The following CSMD1 variants were observed in gnomAD, a reference collection of about 807,000 sequenced individuals.
CSMD1 encodes the protein CUB and Sushi multiple domains 1.
Under a neutral mutation model 417.5 loss-of-function variants are expected in CSMD1, and 213 were observed. That is an observed-to-expected ratio of 0.51 (90% CI 0.46 to 0.57). The LOEUF is 0.57. Among genes scored for constraint, CSMD1 ranks in the 20% least tolerant of loss-of-function variants. The pLI is 0.00. For missense variants in CSMD1, 6,923 were observed against 4,529.7 expected (o/e 1.53, Z -15.17); for synonymous variants, 2,862 against 1,736.8 (o/e 1.65, Z -16.11).
intron 26 of CSMD1, among the ~76,000 whole-genome samples, chr8:3,267,069 G>A (rs865989603): frequency 6.6e-6 from 1 of 152,090 alleles, no homozygotes; most frequent in Admixed American, 6.5e-5. Context: ...CATACAAGAA[G>A]CAAGAAGCCA....
chr8:3,762,691 A>C (rs1804398262), intron 5 of CSMD1, among the ~76,000 whole-genome samples: 1 of 152,156 alleles, frequency 6.6e-6, no homozygotes, highest in African/African-American at 2.4e-5. Context: ...AGAAAGAGAG[A>C]GAGCCAAAGC....
At chr8:3,951,635 G>A (rs1251820824) in intron 5 of CSMD1, among the ~76,000 whole-genome samples, 1 of 151,908 alleles carries the variant, frequency 6.6e-6, no homozygotes, top group Non-Finnish European at 1.5e-5. Flanking sequence ...CAAAAATATT[G>A]GAAGAAAGGT....
At chr8:3,647,564 A>C (rs921088558) in intron 7 of CSMD1, among the ~76,000 whole-genome samples, 15 of 152,206 alleles carry the variant, frequency 9.9e-5, no homozygotes, top group African/African-American at 3.4e-4. Flanking sequence ...GCATAAAGAG[A>C]AATACGGCAT....
chr8:3,843,317 C>T (rs1366811973), intron 5 of CSMD1, among the ~76,000 whole-genome samples: 2 of 152,096 alleles, frequency 1.3e-5, no homozygotes, highest in Non-Finnish European at 2.9e-5. Flanking sequence ...ATCTTTACCT[C>T]ATTGAACGAA....
chr8:3,650,322 A>G (rs1797789461), intron 7 of CSMD1, among the ~76,000 whole-genome samples: 1 of 152,114 alleles, frequency 6.6e-6, no homozygotes, highest in Non-Finnish European at 1.5e-5. Context: ...TGAATGATTG[A>G]GTTTCAAGTT....
At chr8:4,479,629 C>G (rs1302443244) in intron 2 of CSMD1, among the ~76,000 whole-genome samples, 2 of 152,144 alleles carry the variant, frequency 1.3e-5, no homozygotes, top group Non-Finnish European at 2.9e-5. Context: ...GGTGCAGTGG[C>G]TCACGCCTGT....
chr8:3,813,623 T>A (rs562277645), intron 5 of CSMD1, among the ~76,000 whole-genome samples: 2 of 152,316 alleles, frequency 1.3e-5, no homozygotes, highest in South Asian at 2.1e-4. Flanking sequence ...ACTGCCTTTA[T>A]GCAATAATGA....
chr8:4,414,254 A>C (rs1796805515), intron 3 of CSMD1, among the ~76,000 whole-genome samples: 1 of 152,188 alleles, frequency 6.6e-6, no homozygotes, highest in South Asian at 2.1e-4. Context: ...GGGAAATGCC[A>C]CACATATTCA....
intron 28 of CSMD1, among the ~76,000 whole-genome samples, chr8:3,222,105 AT>A (rs1468034919): frequency 6.6e-6 from 1 of 152,026 alleles, no homozygotes; most frequent in African/African-American, 2.4e-5. Context: ...GTTTTCACTG[AT>A]TTCTGAAGTT....
chr8:4,461,220 T>C (rs1026231039), intron 2 of CSMD1, among the ~76,000 whole-genome samples: 1 of 151,944 alleles, frequency 6.6e-6, no homozygotes, highest in African/African-American at 2.4e-5. Flanking sequence ...TAACTAGCAA[T>C]GGGGAATTTC....
chr8:4,650,035 G>A (rs1217971477), intron 1 of CSMD1, among the ~76,000 whole-genome samples: 2 of 152,166 alleles, frequency 1.3e-5, no homozygotes, highest in African/African-American at 4.8e-5. Flanking sequence ...TGTCTGGGAT[G>A]AGACAGCTTT....
chr8:3,947,580 T>C (rs192709060), intron 5 of CSMD1, among the ~76,000 whole-genome samples: 109 of 152,282 alleles, frequency 7.2e-4, no homozygotes, highest in Non-Finnish European at 1.2e-3. Flanking sequence ...AAATAAACCA[T>C]GGGTTATATA....
chr8:4,627,787 G>A (rs1407700116), intron 2 of CSMD1, among the ~76,000 whole-genome samples: 2 of 152,076 alleles, frequency 1.3e-5, no homozygotes, highest in African/African-American at 4.8e-5. Context: ...GAAAAATAAT[G>A]TAGGCAGACA....
chr8:2,992,682 C>T (rs1212056171), intron 54 of CSMD1, among the ~76,000 whole-genome samples: 2 of 152,092 alleles, frequency 1.3e-5, no homozygotes, highest in Non-Finnish European at 2.9e-5. Flanking sequence ...GCCTCAGCCT[C>T]CCAAAGTGCT....
chr8:3,170,430 G>C (rs1181363447), intron 37 of CSMD1, among the ~76,000 whole-genome samples: 1 of 152,020 alleles, frequency 6.6e-6, no homozygotes, highest in Non-Finnish European at 1.5e-5. Context: ...GGATGGTCTC[G>C]ATCTCCTGAC....
intron 3 of CSMD1, among the ~76,000 whole-genome samples, chr8:4,288,076 C>G (rs982630742): frequency 2.6e-5 from 4 of 152,298 alleles, no homozygotes; most frequent in African/African-American, 7.2e-5. Context: ...AACTTCTTTA[C>G]TTTTACTGAG....
At position 4,330,290 on chromosome 8, in the gene CSMD1, T is replaced by C. The variant is rs527410317; in HGVS notation, c.415+89663A>G. Among the ~76,000 whole-genome samples, 4 of 145,254 alleles carry C rather than the reference T, an allele frequency of 2.8e-5. No individual in the cohort carries two copies. In the East Asian group the frequency reaches 7.8e-4, roughly 28 times the overall value. On this transcript the variant is annotated intron_variant, in intron 3 of 69. Coordinates refer to ENST00000635120, the MANE Select transcript of CSMD1 (RefSeq NM_033225.6). ...GTTGTACTCTTCTACAAAGTAACAC[T>C]ATATTGTCAATTTAATATTTTGGGC...
intron 4 of CSMD1, among the ~76,000 whole-genome samples, chr8:4,024,492 A>G (rs959741564): frequency 6.6e-6 from 1 of 152,210 alleles, no homozygotes; most frequent in Non-Finnish European, 1.5e-5. Flanking sequence ...CACCCAAACT[A>G]TAGCTGACTT....
At chr8:3,371,326 C>A (rs1438002897) in intron 18 of CSMD1, among the ~76,000 whole-genome samples, 5 of 152,156 alleles carry the variant, frequency 3.3e-5, no homozygotes, top group Non-Finnish European at 5.9e-5. Flanking sequence ...CTTCCATGGC[C>A]TCACATGTAA....
Sources: gnomAD v4.1 joint callset for allele counts (sites outside exome capture counted in the v4.1 genomes callset) on GRCh38, gnomAD v4.1.1 for gene constraint, MANE v1.5 for transcripts, NCBI Gene and HGNC (gene_info 2026-07-23, HGNC 2026-07-21) for gene names.